TRAF3IP3: variants seen among roughly 807,000 people sequenced by gnomAD.
The protein encoded by TRAF3IP3 is TRAF3 interacting protein 3, also known as TRAF3-interacting JNK-activating modulator.
TRAF3IP3 carries 64 observed loss-of-function variants against 86.5 expected under a neutral mutation model. That is an observed-to-expected ratio of 0.74 (90% CI 0.60 to 0.91). The LOEUF is 0.91. Among genes scored for constraint, TRAF3IP3 ranks in the 40% least tolerant of loss-of-function variants. The pLI, the probability that TRAF3IP3 is intolerant of heterozygous loss-of-function variation, is 0.00. For synonymous variants in TRAF3IP3, 220 were observed against 243.9 expected (o/e 0.90, Z 0.91); for missense variants, 579 against 642.9 (o/e 0.90, Z 1.07).
Position 209,762,660 on chromosome 1 carries a change from G to T in TRAF3IP3, c.491G>T (p.Arg164Leu), listed in dbSNP as rs532039513. Reference sequence around the variant, plus strand: ...ATCAAGAAGCCACCCAAACACCACCGTGGTAAGAGCAGAGCCTCCCTCACT... The same window carrying T: ...ATCAAGAAGCCACCCAAACACCACCTTGGTAAGAGCAGAGCCTCCCTCACT... ...TPIKKPPKHH[R>L]GTQTKAEGPT... is the part of the protein sequence containing the mutation. The change falls in exon 4 of 17, where the codon CGT becomes CTT. Residue 164 changes from arginine to leucine, a missense_variant and splice_region_variant. Transcript: ENST00000367025. 9 of 1,344,886 alleles carry T rather than the reference G, an allele frequency of 6.7e-6. No homozygotes were observed. In the Admixed American group the frequency reaches 1.8e-4, roughly 26 times the overall value. 83.3% of individuals were successfully genotyped at this position (1,344,886 alleles called of 1,614,324 possible).
At position 209,777,345 on chromosome 1, in the gene TRAF3IP3, C is replaced by T; in HGVS notation, c.1054-7C>T. The T allele has an allele frequency of 6.2e-7, 1 of 1,613,240 alleles. No homozygotes were observed. Among genetic ancestry groups the T allele is most frequent in the Non-Finnish European group, 8.5e-7 (1 of 1,179,472 alleles). ...CCTTCTATATTGGCCCTTCCTCCTC[C>T]TTACAGGGAGCAGATAGCAGGGACT... On this transcript the variant is annotated splice_region_variant and splice_polypyrimidine_tract_variant and intron_variant, in intron 11 of 16. Transcript: ENST00000367025.
chr1:209,759,735 C>A (rs959400337), intron 2 of TRAF3IP3, among the ~76,000 whole-genome samples: 1 of 152,150 alleles, frequency 6.6e-6, no homozygotes, highest in Non-Finnish European at 1.5e-5. Flanking sequence ...GCCATAGAGA[C>A]CCTTTTACTT....
Position 209,763,561 on chromosome 1 carries a change from A to T in TRAF3IP3, c.676A>T (p.Ile226Phe). The T allele has an allele frequency of 6.2e-7, 1 of 1,614,178 alleles. No individual in the cohort carries two copies. The change falls in exon 8 of 17, where the codon ATT becomes TTT. Residue 226 changes from isoleucine (I) to phenylalanine (F), a missense_variant. Coordinates refer to ENST00000367025, the MANE Select transcript of TRAF3IP3 (RefSeq NM_025228.4). The stretch of plus-strand genomic sequence containing the variant: ...TCTCCAAGACCTACTGTCCACTCTG[A>T]TTCAGGCCTCTGACAGCTCTTGGAA... The part of the protein sequence containing the change: ...VILQDLLSTL[I>F]QASDSSWKGQ...
chr1:209,763,184 G>T, intron 6 of TRAF3IP3, 92 bp downstream of exon 6: 1 of 1,469,562 alleles, frequency 6.8e-7, no homozygotes, highest in South Asian at 1.1e-5. Flanking sequence ...GGGATGGAGG[G>T]GCATCTTCTT....
chr1:209,772,570 A>G (rs1443258434), intron 8 of TRAF3IP3, among the ~76,000 whole-genome samples: 1 of 152,164 alleles, frequency 6.6e-6, no homozygotes, highest in African/African-American at 2.4e-5. Flanking sequence ...TTTACAGGGA[A>G]AAGTCCACGT....
At chr1:209,761,050 A>G (rs2077236651) in intron 3 of TRAF3IP3, among the ~76,000 whole-genome samples, 1 of 152,250 alleles carries the variant, frequency 6.6e-6, no homozygotes, top group African/African-American at 2.4e-5. Flanking sequence ...TCATTCATCC[A>G]TCAGTCATCA....
intron 8 of TRAF3IP3, among the ~76,000 whole-genome samples, chr1:209,766,201 T>G (rs530467140): frequency 2.0e-5 from 3 of 152,320 alleles, no homozygotes; most frequent in Non-Finnish European, 4.4e-5. Flanking sequence ...GTACCTGGAT[T>G]TCTCAATCTG....
At chr1:209,768,314 G>A (rs1250189872) in intron 8 of TRAF3IP3, 1 of 985,274 alleles carries the variant, frequency 1.0e-6, no homozygotes, top group African/African-American at 1.7e-5. Flanking sequence ...ATGTCTCTGG[G>A]CCTTTTGGAT....
At chr1:209,771,248 TGGA>T (rs1045734651) in intron 8 of TRAF3IP3, among the ~76,000 whole-genome samples, 9 of 138,736 alleles carry the variant, frequency 6.5e-5, no homozygotes, top group South Asian at 2.4e-4. Context: ...TGTGTGCAGG[TGGA>T]GGTGTGTGTC....
intron 3 of TRAF3IP3, among the ~76,000 whole-genome samples, chr1:209,760,786 T>C (rs1408787410): frequency 6.6e-6 from 1 of 151,920 alleles, no homozygotes; most frequent in Non-Finnish European, 1.5e-5. Context: ...CTTTACAAAC[T>C]AACCAGGCAT....
intron 14 of TRAF3IP3, chr1:209,779,792 T>G (rs1201198544): frequency 8.9e-6 from 4 of 449,046 alleles, no homozygotes; most frequent in Non-Finnish European, 1.6e-5. Flanking sequence ...GAATTCACTG[T>G]GTATACAGAG....
chr1:209,773,314 A>G (rs2102494584), intron 9 of TRAF3IP3, among the ~76,000 whole-genome samples: 1 of 152,338 alleles, frequency 6.6e-6, no homozygotes, highest in East Asian at 1.9e-4. Flanking sequence ...CTGACACTGT[A>G]GGGGAAGGCC....
chr1:209,780,303 G>C (rs976036853), intron 14 of TRAF3IP3, 167 bp from the exon 15 acceptor site: 39 of 514,648 alleles, frequency 7.6e-5, no homozygotes, highest in Non-Finnish European at 1.0e-4. Context: ...AAGCTTAGCA[G>C]GGGCCTACTG....
chr1:209,778,119 A>G lies in TRAF3IP3; in HGVS notation c.1198A>G (p.Lys400Glu). The G allele has an allele frequency of 6.2e-7, 1 of 1,614,066 alleles. No homozygotes were observed. Among genetic ancestry groups the G allele is most frequent in the Non-Finnish European group, 8.5e-7 (1 of 1,179,972 alleles). ...CATTATTGCATTTTCAGATCAACTA[A>G]AAAGGTCAGAGGCAGAGAAACTCAC... is the stretch of plus-strand genomic sequence containing the variant. ...LDTQDLQDQL[K>E]RSEAEKLTLV... Residue 400 changes from lysine (K) to glutamate (E), a missense_variant, in exon 13 of 17, where the codon AAA becomes GAA. By Grantham distance (56) the Lys-to-Glu change is moderately conservative. Transcript: ENST00000367025.
chr1:209,781,724 A>G (rs2077784706), intron 16 of TRAF3IP3: 1 of 486,556 alleles, frequency 2.1e-6, no homozygotes, highest in African/African-American at 1.9e-5. Context: ...TTAGCCGATG[A>G]TAAGCATGGT....
chr1:209,764,255 G>A (rs560675556), intron 8 of TRAF3IP3, among the ~76,000 whole-genome samples: 3 of 152,204 alleles, frequency 2.0e-5, no homozygotes, highest in South Asian at 2.1e-4. Context: ...GAAGGCTCAC[G>A]GTTTTGTAAG....
intron 8 of TRAF3IP3, among the ~76,000 whole-genome samples, chr1:209,767,194 G>A (rs930940914): frequency 2.0e-5 from 3 of 152,230 alleles, no homozygotes; most frequent in Admixed American, 6.5e-5. Flanking sequence ...ACCCATATAT[G>A]TATATATATA....
intron 9 of TRAF3IP3, 142 bp downstream of exon 9, chr1:209,773,161 C>A: frequency 1.5e-6 from 1 of 684,208 alleles, no homozygotes; most frequent in Non-Finnish European, 2.4e-6. Flanking sequence ...TCTGGCTTGG[C>A]CATTTACACT....
chr1:209,780,039 C>G (rs1239803014), intron 14 of TRAF3IP3: 3 of 157,462 alleles, frequency 1.9e-5, no homozygotes, highest in African/African-American at 7.2e-5. Context: ...AAAAAACCAT[C>G]TTTAACCATA....
Sources: allele counts gnomAD v4.1 joint callset (sites outside exome capture counted in the v4.1 genomes callset), GRCh38; gene constraint gnomAD v4.1.1; transcripts MANE v1.5; gene names NCBI Gene and HGNC (gene_info 2026-07-23, HGNC 2026-07-21).